CCDC88C: variants seen among roughly 807,000 people sequenced by gnomAD.
The protein encoded by CCDC88C is protein Daple.
Under a neutral mutation model 198.8 loss-of-function variants are expected in CCDC88C, and 131 were observed. That is an observed-to-expected ratio of 0.66 (90% CI 0.57 to 0.76). The LOEUF is 0.76. CCDC88C is among the 30% of genes least tolerant of loss of function. The probability of loss-of-function intolerance (pLI) is 0.00; values close to 1 mark genes in which losing one functional copy is unlikely to be tolerated. For synonymous variants in CCDC88C, 1,166 were observed against 1,114.7 expected (o/e 1.05, Z -0.92); for missense variants, 2,553 against 2,631.6 (o/e 0.97, Z 0.65).
chr14:91,285,772 C>T (rs755358887), intron 25 of CCDC88C: 14 of 1,288,798 alleles, frequency 1.1e-5, no homozygotes, highest in Middle Eastern at 4.2e-4. Flanking sequence ...CTGGGTGGGT[C>T]GTTGGAGACT....
intron 17 of CCDC88C, among the ~76,000 whole-genome samples, chr14:91,307,875 G>C (rs549255237): frequency 1.3e-5 from 2 of 152,262 alleles, no homozygotes; most frequent in Non-Finnish European, 2.9e-5. Context: ...CATATGTGGA[G>C]AGTGTGTATG....
In CCDC88C at chr14:91,315,728, G is replaced by A; in HGVS notation, c.1587C>T (p.Thr529=). 1 of 1,613,784 alleles carries A rather than the reference G, an allele frequency of 6.2e-7. No individual in the cohort carries two copies. The highest frequency in any genetic ancestry group is 1.3e-5 in the African/African-American group (1 of 75,002). Residue 529 remains threonine (T), a synonymous_variant, in exon 14 of 30, where the codon ACC becomes ACT. Transcript: ENST00000389857. ...REKQSNQDLE[T]LSEELIREKE... ...TCTCTCTGATCAGCTCCTCACTGAGGGTCTCCAGATCTTGGTTGCTCTGCT... is the reference window on the plus strand; with the variant it reads ...TCTCTCTGATCAGCTCCTCACTGAGAGTCTCCAGATCTTGGTTGCTCTGCT...
chr14:91,354,304 G>A (rs900447743), intron 4 of CCDC88C, among the ~76,000 whole-genome samples: 1 of 152,206 alleles, frequency 6.6e-6, no homozygotes, highest in African/African-American at 2.4e-5. Flanking sequence ...GTCTTTTCTT[G>A]TGCGTGTGGC....
intron 3 of CCDC88C, among the ~76,000 whole-genome samples, chr14:91,365,030 G>A (rs1016937241): frequency 1.3e-5 from 2 of 152,170 alleles, no homozygotes; most frequent in African/African-American, 4.8e-5. Context: ...CGCCCATGCT[G>A]GGTGGTGGGG....
At chr14:91,342,517 G>A in intron 5 of CCDC88C, 54 bp from the exon 6 acceptor site, 1 of 1,130,724 alleles carries the variant, frequency 8.8e-7, no homozygotes, top group Non-Finnish European at 1.3e-6. Flanking sequence ...GGGTGAAGCT[G>A]AGTCCACCAC....
chr14:91,385,001 T>C lies in CCDC88C; in HGVS notation c.270+23658A>G, dbSNP rs148325118. Among the ~76,000 whole-genome samples the C allele has an allele frequency of 5.5e-3, 833 of 152,270 alleles. 9 individuals carry two copies. Among genetic ancestry groups the C allele is most frequent in the African/African-American group, 0.018 (732 of 41,548 alleles). On this transcript the variant is annotated intron_variant, in intron 3 of 29. Transcript: ENST00000389857. ...AAAGCACATTCTCCCCATGAAGAAA[T>C]GCAGTGTGATCCCTCAGATCCCTGG...
intron 19 of CCDC88C, 86 bp from the exon 20 acceptor site, chr14:91,304,064 C>G (rs1891458515): frequency 3.4e-6 from 5 of 1,473,758 alleles, no homozygotes; most frequent in African/African-American, 1.4e-5. Context: ...CGAGCAGACA[C>G]GAAAATAGCC....
chr14:91,316,508 C>T (rs997754219), intron 13 of CCDC88C, among the ~76,000 whole-genome samples: 31 of 151,986 alleles, frequency 2.0e-4, no homozygotes, highest in Admixed American at 6.6e-5. Flanking sequence ...CTGCAACCTC[C>T]GCCTCCCAGA....
At position 91,400,362 on chromosome 14, in the gene CCDC88C, G is replaced by A. The variant is rs115813111; in HGVS notation, c.270+8297C>T. On this transcript the variant is annotated intron_variant, in intron 3 of 29. Transcript: ENST00000389857. ...CCCCCGCAGACCATTGCCCTCCTCA[G>A]GCACATCTCCCAGCAGTCTGGAGGG... Among the ~76,000 whole-genome samples, 454 of 152,368 alleles carry A rather than the reference G, an allele frequency of 3.0e-3. 1 individual carries two copies. Among genetic ancestry groups the A allele is most frequent in the African/African-American group, 0.01 (428 of 41,594 alleles).
In CCDC88C at chr14:91,338,876, G is replaced by A. The variant is rs1893178985; in HGVS notation, c.810-306C>T. 7 of 490,020 alleles carry A rather than the reference G, an allele frequency of 1.4e-5. No homozygotes were observed. The allele number at this position is 490,020 out of a possible 1,614,324, so 30.4% of individuals were successfully genotyped here. A position where few individuals can be genotyped will look rare whatever the true frequency, so the allele number is the denominator to read the frequency against. On this transcript the variant is annotated intron_variant, in intron 8 of 29. Coordinates refer to ENST00000389857, the MANE Select transcript of CCDC88C (RefSeq NM_001080414.4). The surrounding 1 kb of genome is among the most constrained non-coding windows in gnomAD (Gnocchi z 4.8). ...CACCCCACAGCCAGGCTCCACAGGT[G>A]ACATCCATCAGCTGCAGGAAACCTG...
intron 4 of CCDC88C, among the ~76,000 whole-genome samples, chr14:91,344,922 G>A (rs536312927): frequency 3.3e-5 from 5 of 150,454 alleles, no homozygotes; most frequent in Admixed American, 3.3e-4. Flanking sequence ...TCAGCCTCCC[G>A]AGTAGCTAGA....
At chr14:91,388,523 T>G (rs1041381153) in intron 3 of CCDC88C, among the ~76,000 whole-genome samples, 2 of 152,200 alleles carry the variant, frequency 1.3e-5, no homozygotes, top group African/African-American at 4.8e-5. Context: ...CCTCTTTTCC[T>G]GAGTGACCTG....
Position 91,315,643 on chromosome 14 carries a change from C to T in CCDC88C, c.1665+7G>A. ...CTAGGAGAGGCGTTAGTGGTGGAGG[C>T]ACCTACCTGCCTGGCTTTGTCAGCC... On this transcript the variant is annotated splice_region_variant and intron_variant, in intron 14 of 29. Transcript: ENST00000389857. 2 of 1,613,814 alleles carry T rather than the reference C, an allele frequency of 1.2e-6. No homozygotes were observed. Among genetic ancestry groups the T allele is most frequent in the Non-Finnish European group, 1.7e-6 (2 of 1,179,864 alleles).
At chr14:91,359,517 CA>C in intron 4 of CCDC88C, 124 bp downstream of exon 4, 1 of 724,940 alleles carries the variant, frequency 1.4e-6, no homozygotes, top group Non-Finnish European at 2.4e-6. Context: ...AAAATCTCAC[CA>C]AAACGATCAC....
Position 91,307,272 on chromosome 14 carries a change from T to G in CCDC88C, c.3007-46A>C, listed in dbSNP as rs748478857. On this transcript the variant is annotated intron_variant, in intron 17 of 29. Coordinates refer to ENST00000389857, the MANE Select transcript of CCDC88C (RefSeq NM_001080414.4). ...AAGGAGGCTTTAGGCGGAAGCAGCC[T>G]GGCCTGGAGCCCCGAGTGAGTGGCT... The G allele has an allele frequency of 2.5e-6, 4 of 1,586,370 alleles. No individual in the cohort carries two copies. In the South Asian group the frequency reaches 4.4e-5, roughly 17 times the overall value.
At chr14:91,363,596 A>T (rs780553469) in intron 3 of CCDC88C, among the ~76,000 whole-genome samples, 22 of 152,370 alleles carry the variant, frequency 1.4e-4, no homozygotes, top group African/African-American at 3.6e-4. Flanking sequence ...ATAAAAAAAA[A>T]TTTTTAAGAA....
intron 3 of CCDC88C, among the ~76,000 whole-genome samples, chr14:91,369,504 C>A (rs368268197): frequency 6.6e-6 from 1 of 152,186 alleles, no homozygotes; most frequent in Non-Finnish European, 1.5e-5. Flanking sequence ...CCATGCCCGG[C>A]CAATTTTCTT....
At position 91,272,671 on chromosome 14, in the gene CCDC88C, G is replaced by A; in HGVS notation, c.6041C>T (p.Pro2014Leu). 6.2e-7 allele frequency: 1 copy of A among 1,611,684 alleles called. No homozygotes were observed. The highest frequency in any genetic ancestry group is 8.5e-7 in the Non-Finnish European group (1 of 1,179,882). Residue 2014 changes from proline to leucine, a missense_variant, in exon 30 of 30, where the codon CCC (proline) becomes CTC (leucine). Coordinates refer to ENST00000389857, the MANE Select transcript of CCDC88C (RefSeq NM_001080414.4). ...CCACACGGTCTGCGGATCCCCGCCG[G>A]GCTCCGGGGAGGCCGGACTGCTCTT... ...VSKSSPASPE[P>L]GGDPQTVWYE... is the part of the protein sequence containing the mutation.
rs777217832 is a variant in CCDC88C, at chr14:91,313,333, G to A, written c.2483C>T (p.Ala828Val). 5 of 1,613,010 alleles carry A rather than the reference G, an allele frequency of 3.1e-6. No individual in the cohort carries two copies. In the Admixed American group the frequency reaches 8.3e-5, roughly 27 times the overall value. ...KDRKALEQEV[A>V]QLEKDKKLLE... ...CAGCTTCTTATCCTTCTCGAGCTGG[G>A]CCACCTCCTGCTCCAGGGCCTTCCT... The change falls in exon 15 of 30, where the codon GCC (alanine) becomes GTC (valine). Residue 828 changes from alanine to valine, a missense_variant. Ala to Val is a moderately conservative substitution (Grantham distance 64, BLOSUM62 0). This residue lies in a region of CCDC88C where 1,260 missense variants were observed against 1,412.0 expected (regional missense o/e 0.89). Transcript: ENST00000389857. The surrounding 1 kb of genome is among the most constrained non-coding windows in gnomAD (Gnocchi z 5.2).
Sources: gnomAD v4.1 joint callset for allele counts (sites outside exome capture counted in the v4.1 genomes callset) on GRCh38, gnomAD v4.1.1 for gene constraint, gnomAD v4.1.1 regional missense constraint, Gnocchi (gnomAD v3.1) non-coding constraint, MANE v1.5 for transcripts, NCBI Gene and HGNC (gene_info 2026-07-23, HGNC 2026-07-21) for gene names.